The following LRRC4C variants were observed in gnomAD, a reference collection of about 807,000 sequenced individuals.
LRRC4C encodes the protein leucine rich repeat containing 4C.
A neutral mutation model predicts 33.6 loss-of-function variants in LRRC4C; 5 were observed. The ratio of observed to expected loss-of-function variants is 0.15; its 90% CI spans 0.08 to 0.31. The LOEUF (loss-of-function observed/expected upper bound fraction) is 0.31. Among genes scored for constraint, LRRC4C ranks in the 10% least tolerant of loss-of-function variants. The probability of loss-of-function intolerance (pLI) is 1.00; values close to 1 mark genes in which losing one functional copy is unlikely to be tolerated. For missense variants in LRRC4C, 560 were observed against 796.7 expected (o/e 0.70, Z 3.58); for synonymous variants, 329 against 302.0 (o/e 1.09, Z -0.93).
chr11:41,035,607 A>G (rs1857018452), intron 1 of LRRC4C, among the ~76,000 whole-genome samples: 1 of 152,100 alleles, frequency 6.6e-6, no homozygotes, highest in Non-Finnish European at 1.5e-5. Context: ...CTCTGGGGAG[A>G]GCGTAACTGA....
rs933308773 is a variant in LRRC4C at position 40,294,561 on chromosome 11, T to G, written c.-176+25067A>C. Among the ~76,000 whole-genome samples the G allele has an allele frequency of 6.6e-5, 10 of 152,032 alleles. No homozygotes were observed. The South Asian group carries it at 8.3e-4, about 13-fold the overall frequency. On this transcript the variant is annotated intron_variant, in intron 4 of 6. Transcript: ENST00000528697. ...TACTATTGCTTAGCCGGGCGCGGTG[T>G]CTCACGCCTGTAATCCCAGCCCTTT...
chr11:41,137,597 T>C (rs1943321542), intron 1 of LRRC4C, among the ~76,000 whole-genome samples: 2 of 152,168 alleles, frequency 1.3e-5, no homozygotes, highest in South Asian at 2.1e-4. Flanking sequence ...AGTGGTAACA[T>C]GTTAGTGGGT....
chr11:41,344,072 T>TAG (rs1454135342), intron 1 of LRRC4C, among the ~76,000 whole-genome samples: 8 of 152,144 alleles, frequency 5.3e-5, no homozygotes, highest in Admixed American at 1.3e-4. Flanking sequence ...TTTGATTCGT[T>TAG]TTGATGATTG....
At chr11:40,291,600 C>T (rs1277843869) in intron 4 of LRRC4C, among the ~76,000 whole-genome samples, 1 of 152,156 alleles carries the variant, frequency 6.6e-6, no homozygotes, top group Non-Finnish European at 1.5e-5. Context: ...AAGACCACAT[C>T]TGGGCATATG....
intron 2 of LRRC4C, among the ~76,000 whole-genome samples, chr11:40,771,264 C>T (rs1419040275): frequency 6.6e-6 from 1 of 152,182 alleles, no homozygotes; most frequent in East Asian, 1.9e-4. Context: ...AGGCTTGGGG[C>T]TTGCACCCTG....
intron 1 of LRRC4C, among the ~76,000 whole-genome samples, chr11:41,041,040 T>G (rs1041922351): frequency 1.3e-5 from 2 of 152,172 alleles, no homozygotes; most frequent in African/African-American, 4.8e-5. Flanking sequence ...AAAAGGAATT[T>G]GTTTTAGAAT....
chr11:41,020,249 T>A (rs1459017017), intron 1 of LRRC4C, among the ~76,000 whole-genome samples: 1 of 152,148 alleles, frequency 6.6e-6, no homozygotes, highest in African/African-American at 2.4e-5. Context: ...TTTTACTGAA[T>A]AAAACAATAA....
intron 1 of LRRC4C, among the ~76,000 whole-genome samples, chr11:41,107,969 G>T (rs1308849735): frequency 2.6e-5 from 1 of 39,172 alleles, no homozygotes. Context: ...AGGGAGAGGG[G>T]AGAGGGGAGA....
At chr11:41,332,186 A>G (rs1951315760) in intron 1 of LRRC4C, among the ~76,000 whole-genome samples, 1 of 152,194 alleles carries the variant, frequency 6.6e-6, no homozygotes, top group African/African-American at 2.4e-5. Context: ...ATTTAGGATT[A>G]GAGCCCAAGT....
At chr11:40,662,677 TG>T (rs1265875618) in intron 2 of LRRC4C, among the ~76,000 whole-genome samples, 1 of 152,214 alleles carries the variant, frequency 6.6e-6, no homozygotes, top group African/African-American at 2.4e-5. Context: ...AGTGGTATTC[TG>T]GTGAGGATCA....
intron 1 of LRRC4C, among the ~76,000 whole-genome samples, chr11:41,294,722 T>G (rs934930169): frequency 4.6e-5 from 7 of 152,202 alleles, no homozygotes; most frequent in Non-Finnish European, 7.3e-5. Context: ...CCATGGCTAT[T>G]TATGGTTTTA....
intron 1 of LRRC4C, among the ~76,000 whole-genome samples, chr11:41,157,582 A>C (rs1265586579): frequency 6.6e-6 from 1 of 152,170 alleles, no homozygotes; most frequent in Non-Finnish European, 1.5e-5. Context: ...ATAATCTTGC[A>C]TGAAAGTCCA....
At chr11:40,297,050 C>T (rs779989466) in intron 4 of LRRC4C, among the ~76,000 whole-genome samples, 2 of 152,136 alleles carry the variant, frequency 1.3e-5, no homozygotes, top group African/African-American at 2.4e-5. Context: ...ACTGTATGTT[C>T]GTGACTATAG....
At chr11:40,123,774 T>C (rs1856002219) in intron 6 of LRRC4C, among the ~76,000 whole-genome samples, 1 of 152,092 alleles carries the variant, frequency 6.6e-6, no homozygotes, top group African/African-American at 2.4e-5. Context: ...AGACCCAGAA[T>C]AGCCAAAGCT....
intron 3 of LRRC4C, among the ~76,000 whole-genome samples, chr11:40,412,047 G>T (rs999460878): frequency 1.3e-5 from 2 of 151,692 alleles, no homozygotes; most frequent in Admixed American, 1.3e-4. Context: ...TTTTTGGGGG[G>T]TTATCTGTTA....
At chr11:41,452,048 A>G (rs1227272232) in intron 1 of LRRC4C, among the ~76,000 whole-genome samples, 2 of 152,084 alleles carry the variant, frequency 1.3e-5, no homozygotes, top group Admixed American at 6.6e-5. Flanking sequence ...AAATGTTTTC[A>G]CTTCACACAT....
chr11:40,971,091 A>T (rs1245980477), intron 1 of LRRC4C, among the ~76,000 whole-genome samples: 1 of 152,234 alleles, frequency 6.6e-6, no homozygotes, highest in Non-Finnish European at 1.5e-5. Flanking sequence ...GTAGAAAAGA[A>T]AAACTCAGTT....
intron 1 of LRRC4C, among the ~76,000 whole-genome samples, chr11:41,321,347 T>G (rs1950953999): frequency 6.6e-6 from 1 of 151,970 alleles, no homozygotes; most frequent in Non-Finnish European, 1.5e-5. Context: ...AAAAAAAAAA[T>G]CTTCACAACT....
rs1261900077 is a variant in LRRC4C, at chr11:41,151,544, G to A, written c.-495-217821C>T. Among the ~76,000 whole-genome samples, 3 of 152,184 alleles carry A rather than the reference G, an allele frequency of 2.0e-5. No homozygotes were observed. In the East Asian group the frequency reaches 5.8e-4, roughly 29 times the overall value. ...ATACAATTTCAAAGCAAACTTGTGAGAGAACATTGATCTACATATTTCCTT... is the reference window on the plus strand; with the variant it reads ...ATACAATTTCAAAGCAAACTTGTGAAAGAACATTGATCTACATATTTCCTT... On this transcript the variant is annotated intron_variant, in intron 1 of 6. Transcript: ENST00000528697.
Sources: allele counts gnomAD v4.1 joint callset (sites outside exome capture counted in the v4.1 genomes callset), GRCh38; gene constraint gnomAD v4.1.1; transcripts MANE v1.5; gene names NCBI Gene and HGNC (gene_info 2026-07-23, HGNC 2026-07-21).